The following UBR4 variants were observed in gnomAD, a reference collection of about 807,000 sequenced individuals.
UBR4 encodes ubiquitin protein ligase E3 component n-recognin 4.
A neutral mutation model predicts 575.6 loss-of-function variants in UBR4; 124 were observed. That is an observed-to-expected ratio of 0.22 (90% CI 0.19 to 0.25). The LOEUF (loss-of-function observed/expected upper bound fraction) is 0.25, where lower values mean the gene tolerates loss of function less well. Ranked by LOEUF, UBR4 falls within the 10% of genes least tolerant of loss-of-function variation. The probability of loss-of-function intolerance (pLI) is 1.00; values close to 1 mark genes in which losing one functional copy is unlikely to be tolerated. For missense variants in UBR4, 4,818 were observed against 6,478.8 expected (o/e 0.74, Z 8.80); for synonymous variants, 2,455 against 2,473.7 (o/e 0.99, Z 0.22).
chr1:19,165,825 T>G, intron 29 of UBR4, 68 bp from the exon 30 acceptor site: 9 of 1,368,380 alleles, frequency 6.6e-6, no homozygotes, highest in Non-Finnish European at 9.0e-6. Context: ...TTATGGTGAT[T>G]TATTAAAATC....
chr1:19,185,780 C>T (rs928187849), intron 14 of UBR4, among the ~76,000 whole-genome samples: 15 of 152,040 alleles, frequency 9.9e-5, no homozygotes, highest in Admixed American at 5.9e-4. Flanking sequence ...CCATATTGGC[C>T]AGGCTGGTCT....
chr1:19,110,521 C>T lies in UBR4; in HGVS notation c.11893-57G>A. On this transcript the variant is annotated intron_variant, in intron 79 of 105. Coordinates refer to ENST00000375254, the MANE Select transcript of UBR4 (RefSeq NM_020765.3). This position sits in a 1 kb window ranked among gnomAD's most constrained non-coding sequence, Gnocchi z 4.5. ...GAGGGTCAGCTCCGGTCCAGCGACT[C>T]TTAACTATTAATACAATTTCTGGTC... is the stretch of plus-strand genomic sequence containing the variant. 1 of 1,557,316 alleles carries T rather than the reference C, an allele frequency of 6.4e-7. No individual in the cohort carries two copies. Among genetic ancestry groups the T allele is most frequent in the Non-Finnish European group, 8.8e-7 (1 of 1,133,730 alleles).
chr1:19,141,269 C>T (rs780749781), intron 57 of UBR4, 78 bp downstream of exon 57: 82 of 1,597,420 alleles, frequency 5.1e-5, no homozygotes, highest in Non-Finnish European at 6.4e-5. Context: ...ACTAAGTCAG[C>T]TGGATATCAG....
chr1:19,096,842 T>C (rs1426846183), intron 91 of UBR4, among the ~76,000 whole-genome samples, 192 bp from the exon 92 acceptor site: 1 of 152,134 alleles, frequency 6.6e-6, no homozygotes, highest in African/African-American at 2.4e-5. Context: ...AGGAGCTTTT[T>C]TAAAGTTTCA....
chr1:19,124,591 G>T lies in UBR4; in HGVS notation c.9538C>A (p.Arg3180=), dbSNP rs772046313. 1 of 1,614,216 alleles carries T rather than the reference G, an allele frequency of 6.2e-7. No homozygotes were observed. Among genetic ancestry groups the T allele is most frequent in the Admixed American group, 1.7e-5 (1 of 60,034 alleles). ...QIKKITDTNS[R]IPPPVFDHSW... ...TGGTCAAAGACAGGAGGTGGGATTC[G>T]AGAATTGGTGTCAGTAATCTTTTTG... The change falls in exon 65 of 106, where the codon CGA becomes AGA. Residue 3180 remains arginine (R), a synonymous_variant. Transcript: ENST00000375254.
chr1:19,156,496 A>G, intron 41 of UBR4, 73 bp from the exon 42 acceptor site: 1 of 1,544,812 alleles, frequency 6.5e-7, no homozygotes, highest in Non-Finnish European at 8.8e-7. Flanking sequence ...CAGAGTAATG[A>G]CGTTCCCTTT....
intron 55 of UBR4, among the ~76,000 whole-genome samples, chr1:19,143,105 GAGAA>G (rs1299648177): frequency 2.1e-5 from 3 of 142,518 alleles, no homozygotes; most frequent in South Asian, 2.2e-4. Context: ...GAGAGAGAGA[GAGAA>G]AGAAAGAAAG....
intron 42 of UBR4, 118 bp from the exon 43 acceptor site, chr1:19,155,786 TA>T (rs1316696816): frequency 4.8e-6 from 4 of 836,584 alleles, no homozygotes; most frequent in South Asian, 1.7e-5. Flanking sequence ...CTCCATTCAG[TA>T]AAAAAATGGA....
At chr1:19,086,860 T>C (rs761722605) in intron 99 of UBR4, 39 bp from the exon 100 acceptor site, 8 of 1,608,944 alleles carry the variant, frequency 5.0e-6, no homozygotes, top group Non-Finnish European at 6.8e-6. Flanking sequence ...GAGGAGAAAC[T>C]CCAAGTCAGG....
rs760571295 is a variant in UBR4 at position 19,086,760 on chromosome 1, T to C, written c.14606A>G (p.Asn4869Ser). The change falls in exon 100 of 106, where the codon AAT (asparagine) becomes AGT (serine). Residue 4869 changes from asparagine (N) to serine (S), a missense_variant. Physicochemically the swap from Asn to Ser is conservative, Grantham distance 46. Coordinates refer to ENST00000375254, the MANE Select transcript of UBR4 (RefSeq NM_020765.3). ...TKRVALEEME[N>S]KPRKQQGYST... ...GTAGCCCTGCTGTTTCCGGGGCTTA[T>C]TCTCCATCTCCTCCAAGGCTACCCG... The C allele has an allele frequency of 2.6e-5, 42 of 1,614,098 alleles. No homozygotes were observed. In the Admixed American group the frequency reaches 3.0e-4, roughly 12 times the overall value.
intron 33 of UBR4, 133 bp from the exon 34 acceptor site, chr1:19,163,960 A>G (rs954017601): frequency 1.9e-5 from 18 of 967,244 alleles, no homozygotes; most frequent in African/African-American, 6.5e-5. Flanking sequence ...AGAAAACTCC[A>G]TAAGTACTAT....
intron 7 of UBR4, 32 bp downstream of exon 7, chr1:19,197,638 A>C: frequency 6.2e-7 from 1 of 1,610,186 alleles, no homozygotes; most frequent in Non-Finnish European, 8.5e-7. Flanking sequence ...AAAACAAAAA[A>C]AGTAAAGCAT....
At position 19,198,890 on chromosome 1, in the gene UBR4, G is replaced by A. The variant is rs1322031177; in HGVS notation, c.417C>T (p.Gly139=). 1.9e-6 allele frequency: 3 copies of A among 1,614,104 alleles called. No individual in the cohort carries two copies. Among genetic ancestry groups the A allele is most frequent in the African/African-American group, 2.7e-5 (2 of 74,938 alleles). Residue 139 remains glycine (G), a synonymous_variant, in exon 4 of 106, where the codon GGC becomes GGT. Coordinates refer to ENST00000375254, the MANE Select transcript of UBR4 (RefSeq NM_020765.3). ...LILLIKGLCT[G]CSRLDRTEII... is the part of the protein sequence containing the mutation. ...TTTCAGTTCTATCTAGTCGGCTACA[G>A]CCAGTGCACAGGCCCTTGATTAGGA...
chr1:19,165,054 A>C (rs896467897), intron 31 of UBR4, 57 bp from the exon 32 acceptor site: 2 of 1,596,238 alleles, frequency 1.3e-6, no homozygotes, highest in East Asian at 2.2e-5. Flanking sequence ...AAGAGAAAGA[A>C]GGGGCAAACT....
Position 19,089,680 on chromosome 1 carries a change from C to T in UBR4, c.14212-703G>A, listed in dbSNP as rs1007934099. Among the ~76,000 whole-genome samples the T allele has an allele frequency of 6.6e-6, 1 of 152,232 alleles. No homozygotes were observed. Among genetic ancestry groups the T allele is most frequent in the African/African-American group, 2.4e-5 (1 of 41,458 alleles). On this transcript the variant is annotated intron_variant, in intron 97 of 105. Transcript: ENST00000375254. The surrounding 1 kb of genome is among the most constrained non-coding windows in gnomAD (Gnocchi z 4.3). ...GTGAGCTCACTGAGAAATATTACCA[C>T]ATCCCTGAAATCCTCACCAACCTGT...
intron 97 of UBR4, among the ~76,000 whole-genome samples, chr1:19,090,618 T>C (rs1192539106): frequency 6.6e-6 from 1 of 152,162 alleles, no homozygotes; most frequent in Non-Finnish European, 1.5e-5. Context: ...TATTTGGCTC[T>C]ATCTTCCACC....
chr1:19,110,456 GCTACTTGCC>G lies in UBR4; in HGVS notation c.11893-1_11900del, dbSNP rs1368099811. 1.2e-6 allele frequency: 2 copies of G among 1,613,980 alleles called. No homozygotes were observed. Among genetic ancestry groups the G allele is most frequent in the Non-Finnish European group, 1.7e-6 (2 of 1,180,012 alleles). On this transcript the variant is annotated splice_acceptor_variant and coding_sequence_variant, in exon 80 of 106. Coordinates refer to ENST00000375254, the MANE Select transcript of UBR4 (RefSeq NM_020765.3). LOFTEE classifies it high-confidence loss of function. This position sits in a 1 kb window ranked among gnomAD's most constrained non-coding sequence, Gnocchi z 4.5. ...TCAGCAGCAGCATTTCATACTGCAG[GCTACTTGCC>G]TAGAAGGCAATGGGAAGAGACATGA...
intron 1 of UBR4, among the ~76,000 whole-genome samples, chr1:19,206,332 GTC>G (rs775501797): frequency 1.3e-5 from 2 of 151,228 alleles, no homozygotes; most frequent in Non-Finnish European, 3.0e-5. Context: ...AGGAGACCCT[GTC>G]TCTCTTTTTT....
At chr1:19,101,163 A>G (rs2078595523) in intron 88 of UBR4, among the ~76,000 whole-genome samples, 1 of 152,200 alleles carries the variant, frequency 6.6e-6, no homozygotes, top group Non-Finnish European at 1.5e-5. Flanking sequence ...GCAGCTAAAG[A>G]AGGAAGAGAG....
Sources: allele counts gnomAD v4.1 joint callset (sites outside exome capture counted in the v4.1 genomes callset), GRCh38; gene constraint gnomAD v4.1.1; non-coding constraint Gnocchi (gnomAD v3.1); transcripts MANE v1.5; gene names NCBI Gene and HGNC (gene_info 2026-07-23, HGNC 2026-07-21).